COL8A1: variants seen among roughly 807,000 people sequenced by gnomAD.
The protein encoded by COL8A1 is collagen type VIII alpha 1 chain, also known as collagen alpha-1(VIII) chain.
A neutral mutation model predicts 42.7 loss-of-function variants in COL8A1; 21 were observed. The observed-to-expected ratio is 0.49, with a 90% CI of 0.35 to 0.71. The LOEUF is 0.71. COL8A1 is among the 30% of genes least tolerant of loss of function. The pLI, the probability that COL8A1 is intolerant of heterozygous loss-of-function variation, is 0.01. For synonymous variants in COL8A1, 367 were observed against 369.1 expected (o/e 0.99, Z 0.06); for missense variants, 788 against 962.4 (o/e 0.82, Z 2.40).
intron 1 of COL8A1, among the ~76,000 whole-genome samples, chr3:99,702,614 G>C: frequency 6.6e-6 from 1 of 152,178 alleles, no homozygotes; most frequent in Non-Finnish European, 1.5e-5. Flanking sequence ...CTAATGTCAG[G>C]TGTATCAGGT....
chr3:99,639,037 T>C (rs760276031), intron 1 of COL8A1, among the ~76,000 whole-genome samples: 46 of 152,214 alleles, frequency 3.0e-4, no homozygotes, highest in Non-Finnish European at 1.0e-4. Flanking sequence ...AAAAATGTAC[T>C]TTAAAAGAAC....
intron 1 of COL8A1, among the ~76,000 whole-genome samples, chr3:99,736,550 A>G (rs1407393504): frequency 6.6e-6 from 1 of 151,916 alleles, no homozygotes; most frequent in African/African-American, 2.4e-5. Context: ...TTTGAGTGAG[A>G]TTCTTAATCC....
At chr3:99,643,347 T>A (rs991466515) in intron 1 of COL8A1, among the ~76,000 whole-genome samples, 1 of 152,026 alleles carries the variant, frequency 6.6e-6, no homozygotes. Flanking sequence ...TTGTGAAGAG[T>A]GAAGTCAATG....
chr3:99,791,099 C>T, intron 3 of COL8A1, 89 bp downstream of exon 3: 1 of 1,224,228 alleles, frequency 8.2e-7, no homozygotes. Flanking sequence ...ATTTTAGAAG[C>T]TTTAGTTTTA....
intron 2 of COL8A1, among the ~76,000 whole-genome samples, chr3:99,746,934 T>G (rs1031859424): frequency 2.0e-5 from 3 of 152,210 alleles, no homozygotes; most frequent in African/African-American, 7.2e-5. Context: ...AAAATGGACT[T>G]GGTTTAACTT....
chr3:99,701,768 G>A (rs1939547231), intron 1 of COL8A1, among the ~76,000 whole-genome samples: 1 of 152,124 alleles, frequency 6.6e-6, no homozygotes, highest in South Asian at 2.1e-4. Flanking sequence ...GCCTCACTGA[G>A]GCCTTTTCAG....
chr3:99,765,778 T>C (rs1455321978), intron 2 of COL8A1, among the ~76,000 whole-genome samples: 1 of 152,232 alleles, frequency 6.6e-6, no homozygotes, highest in African/African-American at 2.4e-5. Flanking sequence ...GTTAACATTT[T>C]GTGGTTACTA....
rs1200212756 is a variant in COL8A1 at position 99,773,837 on chromosome 3, A to ATATATATATATATATTTTTT, written c.-3-16842_-3-16841insATATATATATATATTTTTTT. 3.3e-4 allele frequency among the ~76,000 whole-genome samples: 15 copies of ATATATATATATATATTTTTT among 45,398 alleles called. 1 individual carries two copies. The highest frequency in any genetic ancestry group is 9.0e-4 in the African/African-American group (7 of 7,812). 29.8% of individuals were successfully genotyped at this position (45,398 alleles called of 152,430 possible). On this transcript the variant is annotated intron_variant, in intron 2 of 3. Transcript: ENST00000652472. ...TGTGTATATATATATATATATATATATTTTTTTTTTTTTTTTTTTTTTTTT... is the reference window on the plus strand; with the variant it reads ...TGTGTATATATATATATATATATATATATATATATATATATTTTTTTTTTTTTTTTTTTTTTTTTTTTTTT...
At position 99,794,235 on chromosome 3, in the gene COL8A1, C is replaced by T; in HGVS notation, c.334C>T (p.Pro112Ser). Residue 112 changes from proline (P) to serine (S), a missense_variant, in exon 4 of 4, where the codon CCA (proline) becomes TCA (serine). Pro to Ser is a moderately conservative substitution (Grantham distance 74, BLOSUM62 -1). Coordinates refer to ENST00000652472, the MANE Select transcript of COL8A1 (RefSeq NM_020351.4). This position sits in a 1 kb window ranked among gnomAD's most constrained non-coding sequence, Gnocchi z 4.3. ...EAVPKKGKEI[P>S]LASLRGEQGP... ...CTCTCTTCTCTTCCCAGTAGAAATACCATTAGCCAGTTTACGAGGGGAACA... is the reference window on the plus strand; with the variant it reads ...CTCTCTTCTCTTCCCAGTAGAAATATCATTAGCCAGTTTACGAGGGGAACA... 6.4e-7 allele frequency: 1 copy of T among 1,572,188 alleles called. No homozygotes were observed. The highest frequency in any genetic ancestry group is 2.2e-5 in the East Asian group (1 of 44,566).
Position 99,758,857 on chromosome 3 carries a change from G to A in COL8A1, c.-4+13836G>A, listed in dbSNP as rs74967912. 3.4e-3 allele frequency among the ~76,000 whole-genome samples: 519 copies of A among 152,146 alleles called. 5 individuals carry two copies. Among genetic ancestry groups the A allele is most frequent in the African/African-American group, 0.012 (492 of 41,522 alleles). ...GGTAGACACTCAATGAATATTTAGT[G>A]AATTCAAAACAATTAGCCTTTATAG... On this transcript the variant is annotated intron_variant, in intron 2 of 3. Coordinates refer to ENST00000652472, the MANE Select transcript of COL8A1 (RefSeq NM_020351.4).
intron 2 of COL8A1, among the ~76,000 whole-genome samples, chr3:99,774,781 C>A (rs946932375): frequency 1.3e-5 from 2 of 152,234 alleles, no homozygotes; most frequent in African/African-American, 2.4e-5. Flanking sequence ...ATTCTCCACT[C>A]ATTAGTGAGT....
At chr3:99,657,453 C>T (rs994399921) in intron 1 of COL8A1, among the ~76,000 whole-genome samples, 1 of 152,120 alleles carries the variant, frequency 6.6e-6, no homozygotes, top group Non-Finnish European at 1.5e-5. Flanking sequence ...AAATGGCTAG[C>T]GGCATCTTTT....
In COL8A1 at chr3:99,689,909, C is replaced by A. The variant is rs1939168906; in HGVS notation, c.-129+51245C>A. 2.0e-5 allele frequency among the ~76,000 whole-genome samples: 3 copies of A among 152,156 alleles called. No homozygotes were observed. In the South Asian group the frequency reaches 6.2e-4, roughly 32 times the overall value. ...GAGAAATGCTGAAAGCGGTCACACC[C>A]AGAAAGACAAACTCGGGCTACTGTT... is the stretch of plus-strand genomic sequence containing the variant. On this transcript the variant is annotated intron_variant, in intron 1 of 3. Coordinates refer to ENST00000652472, the MANE Select transcript of COL8A1 (RefSeq NM_020351.4).
intron 1 of COL8A1, among the ~76,000 whole-genome samples, chr3:99,655,501 G>A (rs1423189723): frequency 6.6e-6 from 1 of 152,188 alleles, no homozygotes; most frequent in Non-Finnish European, 1.5e-5. Context: ...AGGCCCTGCA[G>A]CAGACAGAGG....
chr3:99,665,834 G>A (rs1299342958), intron 1 of COL8A1, among the ~76,000 whole-genome samples: 1 of 150,456 alleles, frequency 6.6e-6, no homozygotes, highest in Non-Finnish European at 1.5e-5. Context: ...GGTGCCCGCT[G>A]CCACACTTAG....
intron 1 of COL8A1, among the ~76,000 whole-genome samples, chr3:99,741,218 T>G (rs1282517718): frequency 1.3e-5 from 2 of 152,212 alleles, no homozygotes; most frequent in South Asian, 4.1e-4. Flanking sequence ...GTTTATTAGC[T>G]TTTTAATATC....
At chr3:99,792,877 T>C (rs967091426) in intron 3 of COL8A1, among the ~76,000 whole-genome samples, 1 of 152,216 alleles carries the variant, frequency 6.6e-6, no homozygotes, top group African/African-American at 2.4e-5. Flanking sequence ...AATCTACTAA[T>C]TCTAAAGGAG....
At chr3:99,725,204 A>C (rs1006027937) in intron 1 of COL8A1, among the ~76,000 whole-genome samples, 6 of 151,974 alleles carry the variant, frequency 3.9e-5, no homozygotes, top group African/African-American at 1.4e-4. Context: ...GAAGAAGAGG[A>C]ATCATCCAAG....
rs376299757 is a variant in COL8A1, at chr3:99,728,060, C to T, written c.-128-16837C>T. 1.7e-3 allele frequency among the ~76,000 whole-genome samples: 260 copies of T among 151,662 alleles called. 3 individuals carry two copies. Among genetic ancestry groups the T allele is most frequent in the Middle Eastern group, 6.8e-3 (2 of 292 alleles). ...ATACTGAATGGGCAAAAACTGGAAG[C>T]ATTCCCTTTGAAAACTGGCACAAGA... On this transcript the variant is annotated intron_variant, in intron 1 of 3. Transcript: ENST00000652472.
Sources: gnomAD v4.1 joint callset for allele counts (sites outside exome capture counted in the v4.1 genomes callset) on GRCh38, gnomAD v4.1.1 for gene constraint, Gnocchi (gnomAD v3.1) non-coding constraint, MANE v1.5 for transcripts, NCBI Gene and HGNC (gene_info 2026-07-23, HGNC 2026-07-21) for gene names.